Variants in TMEM131 observed in about 807,000 individuals in gnomAD.
The protein encoded by TMEM131 is transmembrane protein 131, also known as 2610524E03Rik.
A neutral mutation model predicts 211.6 loss-of-function variants in TMEM131; 66 were observed. The ratio of observed to expected loss-of-function variants is 0.31; its 90% CI spans 0.26 to 0.38. The LOEUF is 0.38. TMEM131 is among the 10% of genes least tolerant of loss of function. The pLI is 1.00. For missense variants in TMEM131, 2,036 were observed against 2,299.3 expected, an observed-to-expected ratio of 0.89 and a Z score of 2.34; for synonymous variants, 844 against 841.3, an observed-to-expected ratio of 1.00 and a Z score of -0.06.
intron 22 of TMEM131, among the ~76,000 whole-genome samples, chr2:97,803,123 C>T (rs1169041857): frequency 5.9e-5 from 9 of 152,128 alleles, no homozygotes; most frequent in Non-Finnish European, 1.3e-4. Context: ...AAAAGCTGGC[C>T]TATAGTAGAT....
chr2:97,846,340 ACAT>A (rs1209434168), intron 5 of TMEM131, among the ~76,000 whole-genome samples: 3 of 152,248 alleles, frequency 2.0e-5, no homozygotes, highest in East Asian at 3.8e-4. Context: ...AACGGGCAAC[ACAT>A]CATGAGCAAG....
chr2:97,890,413 G>A (rs1409890762), intron 3 of TMEM131, among the ~76,000 whole-genome samples: 1 of 152,184 alleles, frequency 6.6e-6, no homozygotes, highest in East Asian at 1.9e-4. Flanking sequence ...AGGTTGTGCT[G>A]ATGGATTGAT....
chr2:97,977,127 C>T (rs1376636231), intron 1 of TMEM131, among the ~76,000 whole-genome samples: 5 of 152,036 alleles, frequency 3.3e-5, no homozygotes, highest in African/African-American at 1.2e-4. Context: ...TTCTTAGATA[C>T]GATACCAAAA....
intron 1 of TMEM131, among the ~76,000 whole-genome samples, chr2:97,949,344 G>A (rs184332054): frequency 3.9e-5 from 6 of 152,192 alleles, no homozygotes; most frequent in East Asian, 1.9e-4. Context: ...AAGAACTGTC[G>A]CCTGGGATTA....
At chr2:97,902,606 C>T (rs1217189133) in intron 3 of TMEM131, among the ~76,000 whole-genome samples, 2 of 152,120 alleles carry the variant, frequency 1.3e-5, no homozygotes, top group Non-Finnish European at 2.9e-5. Flanking sequence ...GATAATGACA[C>T]CTCACTAATA....
rs1388570061 is a variant in TMEM131 at position 97,889,617 on chromosome 2, A to C, written c.291-1497T>G. Among the ~76,000 whole-genome samples, 4 of 149,658 alleles carry C rather than the reference A, an allele frequency of 2.7e-5. No individual in the cohort carries two copies. In the East Asian group the frequency reaches 7.8e-4, roughly 29 times the overall value. On this transcript the variant is annotated intron_variant, in intron 3 of 40. Transcript: ENST00000186436. ...ATATATATTCCTATATATAATATATAATTCCTATATATTAATTCCATGGAC... is the reference window on the plus strand; with the variant it reads ...ATATATATTCCTATATATAATATATCATTCCTATATATTAATTCCATGGAC...
At position 97,837,103 on chromosome 2, in the gene TMEM131, G is replaced by A. The variant is rs762668098; in HGVS notation, c.778C>T (p.Gln260Ter). 1.2e-6 allele frequency: 2 copies of A among 1,612,156 alleles called. No homozygotes were observed. Among genetic ancestry groups the A allele is most frequent in the Non-Finnish European group, 1.7e-6 (2 of 1,179,180 alleles). Residue 260 changes from glutamine to a stop codon, truncating the protein, a stop_gained, in exon 8 of 41, where the codon CAA becomes TAA. Transcript: ENST00000186436. LOFTEE classifies it high-confidence loss of function. Reference protein sequence around the residue: ...GDLHLELPTGQQGGTRKLWEI... With the variant: ...GDLHLELPTG ...CACAGTTTTCTGGTACCTCCTTGTT[G>A]ACCCGTTGGGAGTTCTAGGTGAAGG... is the stretch of plus-strand genomic sequence containing the variant.
intron 1 of TMEM131, among the ~76,000 whole-genome samples, chr2:97,982,373 G>T (rs1270408330): frequency 1.3e-5 from 2 of 152,004 alleles, no homozygotes; most frequent in Admixed American, 1.3e-4. Context: ...ACTGTCTGTT[G>T]TAACTGAGGT....
intron 33 of TMEM131, among the ~76,000 whole-genome samples, chr2:97,767,473 T>C (rs915723254): frequency 1.3e-5 from 2 of 151,912 alleles, no homozygotes; most frequent in African/African-American, 4.8e-5. Context: ...ACCAAGACCA[T>C]GTCTGGGACT....
At chr2:97,983,299 C>T (rs1451939441) in intron 1 of TMEM131, among the ~76,000 whole-genome samples, 1 of 152,156 alleles carries the variant, frequency 6.6e-6, no homozygotes, top group African/African-American at 2.4e-5. Context: ...CAGTCAGCTA[C>T]AAGTGGTGCC....
At chr2:97,916,341 G>A (rs9808558) in intron 2 of TMEM131, among the ~76,000 whole-genome samples, 52,972 of 152,136 alleles carry the variant, frequency 0.35, 10,034 homozygotes, top group Middle Eastern at 0.49. Flanking sequence ...AGGTATTTCT[G>A]AGAAGACTCA....
At chr2:97,826,199 G>A (rs1449819026) in intron 11 of TMEM131, among the ~76,000 whole-genome samples, 7 of 152,156 alleles carry the variant, frequency 4.6e-5, no homozygotes, top group South Asian at 2.1e-4. Flanking sequence ...TGATGCAACC[G>A]TACTTGAAAG....
chr2:97,955,387 A>C (rs1380920815), intron 1 of TMEM131, among the ~76,000 whole-genome samples: 2 of 151,228 alleles, frequency 1.3e-5, no homozygotes, highest in Non-Finnish European at 2.9e-5. Flanking sequence ...TTTTCCCCTA[A>C]GACTGGGAAA....
intron 11 of TMEM131, among the ~76,000 whole-genome samples, chr2:97,820,783 G>A (rs1417285407): frequency 6.6e-6 from 1 of 151,974 alleles, no homozygotes; most frequent in Non-Finnish European, 1.5e-5. Flanking sequence ...TTGAATCCGG[G>A]AGGCGGAGGT....
chr2:97,847,518 T>C (rs1167437212), intron 5 of TMEM131, among the ~76,000 whole-genome samples: 3 of 152,118 alleles, frequency 2.0e-5, no homozygotes, highest in Admixed American at 1.3e-4. Flanking sequence ...AAAACACTAC[T>C]GAAAGTAACT....
intron 2 of TMEM131, 106 bp downstream of exon 2, chr2:97,927,320 A>C (rs942733276): frequency 1.9e-5 from 16 of 855,642 alleles, no homozygotes; most frequent in Non-Finnish European, 2.5e-5. Flanking sequence ...AAAGCTCATA[A>C]AATATAAATA....
intron 10 of TMEM131, 94 bp downstream of exon 10, chr2:97,834,527 A>T: frequency 1.1e-6 from 1 of 947,448 alleles, no homozygotes; most frequent in Non-Finnish European, 1.5e-6. Context: ...AATAATGTTT[A>T]AAGCTGAATT....
At chr2:97,819,914 T>C (rs570857739) in intron 11 of TMEM131, among the ~76,000 whole-genome samples, 1 of 152,232 alleles carries the variant, frequency 6.6e-6, no homozygotes, top group Non-Finnish European at 1.5e-5. Flanking sequence ...AAGGGCAGTC[T>C]CTTGAAGGTG....
At chr2:97,953,164 AC>A (rs1251548024) in intron 1 of TMEM131, among the ~76,000 whole-genome samples, 1 of 152,210 alleles carries the variant, frequency 6.6e-6, no homozygotes, top group South Asian at 2.1e-4. Context: ...AATCATACTG[AC>A]GGTTAAAACA....
Sources: gnomAD v4.1 joint callset for allele counts (sites outside exome capture counted in the v4.1 genomes callset) on GRCh38, gnomAD v4.1.1 for gene constraint, MANE v1.5 for transcripts, NCBI Gene and HGNC (gene_info 2026-07-23, HGNC 2026-07-21) for gene names.